The following PRSS23 variants were observed in gnomAD, a reference collection of about 807,000 sequenced individuals.
PRSS23 encodes the protein protease, serine 23.
PRSS23 carries 25 observed loss-of-function variants against 34.7 expected under a neutral mutation model. That is an observed-to-expected ratio of 0.72 (90% confidence interval 0.53 to 1.01). The LOEUF (loss-of-function observed/expected upper bound fraction) is 1.01, where lower values mean the gene tolerates loss of function less well. Ranked by LOEUF, PRSS23 falls within the 50% of genes least tolerant of loss-of-function variation. PRSS23 has a pLI of 0.00. For synonymous variants in PRSS23, 176 were observed against 186.6 expected (o/e 0.94, Z 0.46); for missense variants, 445 against 475.6 (o/e 0.94, Z 0.60).
Position 86,824,005 on chromosome 11 carries a change from CAAAAAAAA to C in PRSS23, c.206+431_206+438del, listed in dbSNP as rs55884309. Among the ~76,000 whole-genome samples, 8 of 30,508 alleles carry C rather than the reference CAAAAAAAA, an allele frequency of 2.6e-4. 1 individual carries two copies. The South Asian group carries it at 6.5e-3, about 25-fold the overall frequency. 20.0% of individuals were successfully genotyped at this position (30,508 alleles called of 152,430 possible). On this transcript the variant is annotated intron_variant, in intron 2 of 2. Coordinates refer to the PRSS23 transcript ENST00000533902. ...TGGGCGACAGAGCGAGACTCCGTCTCAAAAAAAAAAAAAAAAAAAAAAAAAAGAATTCA... is the reference window on the plus strand; with the variant it reads ...TGGGCGACAGAGCGAGACTCCGTCTCAAAAAAAAAAAAAAAAAAGAATTCA...
chr11:86,908,148 T>C (rs926305547), intron 2 of PRSS23, among the ~76,000 whole-genome samples: 5 of 152,260 alleles, frequency 3.3e-5, no homozygotes, highest in African/African-American at 1.2e-4. Flanking sequence ...TGTCAGCTAT[T>C]GTGAATAATG....
chr11:86,857,845 G>A (rs1206873303), intron 2 of PRSS23: 4 of 556,740 alleles, frequency 7.2e-6, no homozygotes, highest in African/African-American at 1.9e-5. Context: ...GTACATGGGG[G>A]TGTGGAAGTG....
chr11:86,931,944 T>C (rs1341738258), intron 2 of PRSS23, among the ~76,000 whole-genome samples: 1 of 152,128 alleles, frequency 6.6e-6, no homozygotes, highest in Non-Finnish European at 1.5e-5. Flanking sequence ...TAAAATAACA[T>C]GTATAAGAGG....
rs747324649 is a variant in PRSS23 at position 86,808,985 on chromosome 11, G to A, written c.*190G>A. The stretch of plus-strand genomic sequence containing the variant: ...CTTTACTATTTGAAAACTGGTTTGT[G>A]TATCATATCATATATCATTTAAGCA... On this transcript the variant is annotated 3_prime_UTR_variant, in exon 2 of 2. Coordinates refer to ENST00000280258, the MANE Select transcript of PRSS23 (RefSeq NM_007173.6). 5.3e-6 allele frequency: 3 copies of A among 561,404 alleles called. No homozygotes were observed. The highest frequency in any genetic ancestry group is 7.2e-5 in the Admixed American group (2 of 27,956). 34.8% of individuals were successfully genotyped at this position (561,404 alleles called of 1,614,324 possible). A position where few individuals can be genotyped will look rare whatever the true frequency, so the allele number is the denominator to read the frequency against.
chr11:86,880,857 T>C (rs1948768080), intron 2 of PRSS23, among the ~76,000 whole-genome samples: 1 of 152,230 alleles, frequency 6.6e-6, no homozygotes, highest in Non-Finnish European at 1.5e-5. Context: ...GAGTATTATA[T>C]GGAAAAATAC....
chr11:86,802,579 T>C (rs1948052626), intron 1 of PRSS23, among the ~76,000 whole-genome samples: 1 of 152,218 alleles, frequency 6.6e-6, no homozygotes, highest in Admixed American at 6.5e-5. Context: ...CTCCAAATGG[T>C]GTCCAAAACC....
chr11:86,941,230 C>T (rs887944807), intron 2 of PRSS23, among the ~76,000 whole-genome samples: 14 of 152,112 alleles, frequency 9.2e-5, no homozygotes, highest in African/African-American at 3.4e-4. Context: ...GAACTGTTTG[C>T]CCATTACACT....
At chr11:86,901,573 G>A (rs1948912417) in intron 2 of PRSS23, among the ~76,000 whole-genome samples, 1 of 152,070 alleles carries the variant, frequency 6.6e-6, no homozygotes, top group Non-Finnish European at 1.5e-5. Context: ...AAGTTATAAA[G>A]GACTTTGAGG....
intron 2 of PRSS23, among the ~76,000 whole-genome samples, chr11:86,903,111 A>T (rs1948921529): frequency 6.6e-6 from 1 of 152,106 alleles, no homozygotes; most frequent in Admixed American, 6.5e-5. Flanking sequence ...CATCTTCTGG[A>T]TATATTTCTT....
intron 1 of PRSS23, among the ~76,000 whole-genome samples, chr11:86,801,697 C>T (rs1200957717): frequency 6.6e-6 from 1 of 152,164 alleles, no homozygotes; most frequent in Non-Finnish European, 1.5e-5. Flanking sequence ...TTTCAAGATC[C>T]TACTTGTGCA....
intron 2 of PRSS23, among the ~76,000 whole-genome samples, chr11:86,890,105 T>TA (rs1948831306): frequency 6.8e-6 from 1 of 148,118 alleles, no homozygotes; most frequent in South Asian, 2.1e-4. Flanking sequence ...CCATCTCTAC[T>TA]AAAAATACAA....
intron 2 of PRSS23, among the ~76,000 whole-genome samples, chr11:86,942,889 A>G (rs569694164): frequency 6.6e-6 from 1 of 152,380 alleles, no homozygotes; most frequent in East Asian, 1.9e-4. Context: ...GAAGGACAGA[A>G]TAAAGCCCTT....
intron 2 of PRSS23, among the ~76,000 whole-genome samples, chr11:86,903,946 G>A (rs191690382): frequency 6.7e-6 from 1 of 149,918 alleles, no homozygotes; most frequent in Admixed American, 6.7e-5. Context: ...GGCAGGGTAA[G>A]CAATAATTTA....
chr11:86,833,004 G>GAA (rs374570816), intron 2 of PRSS23: 217 of 353,580 alleles, frequency 6.1e-4, no homozygotes, highest in South Asian at 1.1e-3. Flanking sequence ...AAAAGACTGA[G>GAA]AAAAAAAAAA....
intron 1 of PRSS23, chr11:86,823,255 AT>A (rs1260251699): frequency 1.6e-5 from 10 of 621,812 alleles, no homozygotes; most frequent in East Asian, 1.1e-4. Context: ...ATAAAAAAAA[AT>A]GTATGATTAA....
At chr11:86,823,302 A>G in intron 1 of PRSS23, 1 of 681,758 alleles carries the variant, frequency 1.5e-6, no homozygotes, top group Admixed American at 2.1e-5. Context: ...ACGGTCCGAG[A>G]TGTAGAATAG....
At chr11:86,950,360 C>G (rs1299678174) in intron 2 of PRSS23, 1 of 152,596 alleles carries the variant, frequency 6.6e-6, no homozygotes, top group Non-Finnish European at 1.5e-5. Flanking sequence ...TTTAAGCATG[C>G]TGCAGTACAA....
At position 86,807,817 on chromosome 11, in the gene PRSS23, A is replaced by G; in HGVS notation, c.174A>G (p.Lys58=). The part of the protein sequence containing the change: ...LAKPDFGAEA[K]LEVSSSCGPQ... ...AGCCAGACTTTGGAGCCGAAGCCAA[A>G]TTAGAAGTATCTTCTTCATGTGGAC... The change falls in exon 2 of 2, where the codon AAA becomes AAG. Residue 58 remains lysine (K), a synonymous_variant. Transcript: ENST00000280258. 1.2e-6 allele frequency: 2 copies of G among 1,614,176 alleles called. No homozygotes were observed. The highest frequency in any genetic ancestry group is 1.7e-6 in the Non-Finnish European group (2 of 1,180,038).
chr11:86,882,266 A>G (rs774198183), intron 2 of PRSS23, among the ~76,000 whole-genome samples: 8 of 152,244 alleles, frequency 5.3e-5, no homozygotes, highest in Admixed American at 2.6e-4. Context: ...TAGTAAATGC[A>G]TGTCATGAGG....
Sources: gnomAD v4.1 joint callset for allele counts (sites outside exome capture counted in the v4.1 genomes callset) on GRCh38, gnomAD v4.1.1 for gene constraint, MANE v1.5 for transcripts, NCBI Gene and HGNC (gene_info 2026-07-23, HGNC 2026-07-21) for gene names.